The following TPM2 variants were observed in gnomAD, a reference collection of about 807,000 sequenced individuals.
The protein encoded by TPM2 is tropomyosin beta chain.
A neutral mutation model predicts 41.0 loss-of-function variants in TPM2; 26 were observed. The ratio of observed to expected loss-of-function variants is 0.63; its 90% confidence interval spans 0.46 to 0.88. TPM2 has a LOEUF of 0.88. Among genes scored for constraint, TPM2 ranks in the 40% least tolerant of loss-of-function variants. The pLI is 0.00. For synonymous variants in TPM2, 143 were observed against 139.3 expected (o/e 1.03, Z -0.19); for missense variants, 187 against 355.2 (o/e 0.53, Z 3.81).
intron 2 of TPM2, among the ~76,000 whole-genome samples, chr9:35,688,098 T>C (rs1231224943): frequency 6.6e-6 from 1 of 152,066 alleles, no homozygotes; most frequent in Non-Finnish European, 1.5e-5. Flanking sequence ...TTTCCAATCT[T>C]GCCTCCAGCT....
chr9:35,684,333 A>G lies in TPM2; in HGVS notation c.703-18T>C. 2 of 1,614,120 alleles carry G rather than the reference A, an allele frequency of 1.2e-6. No homozygotes were observed. The highest frequency in any genetic ancestry group is 2.2e-5 in the South Asian group (2 of 91,086). On this transcript the variant is annotated intron_variant, in intron 7 of 8. Transcript: ENST00000645482. ...GTCTCAGCCTGGGGGTAAAGGCAGG[A>G]TGGGAGAAATGGCAAAGAATTAGGC...
At chr9:35,689,035 T>C (rs939637794) in intron 2 of TPM2, 111 bp downstream of exon 2, 8 of 1,291,830 alleles carry the variant, frequency 6.2e-6, no homozygotes, top group African/African-American at 1.5e-5. Context: ...ATTTCTCTCC[T>C]GGCGCTGGGG....
rs1824822305 is a variant in TPM2 at position 35,685,159 on chromosome 9, G to T, written c.563+110C>A. On this transcript the variant is annotated intron_variant, in intron 5 of 8. Coordinates refer to ENST00000645482, the MANE Select transcript of TPM2 (RefSeq NM_003289.4). The surrounding 1 kb of genome is among the most constrained non-coding windows in gnomAD (Gnocchi z 5.0). ...GCTCGGCTGGGGGCAGCGGGCAGGG[G>T]TCAGAGAACAGGGCCTGTCCCTACA... is the stretch of plus-strand genomic sequence containing the variant. The T allele has an allele frequency of 1.9e-6, 3 of 1,614,100 alleles. No individual in the cohort carries two copies.
intron 2 of TPM2, 132 bp downstream of exon 2, chr9:35,689,014 G>A (rs1587965513): frequency 1.8e-6 from 2 of 1,099,746 alleles, no homozygotes; most frequent in East Asian, 2.4e-5. Flanking sequence ...CCTGGTTACT[G>A]AGATGAAACC....
rs1825161201 is a variant in TPM2, at chr9:35,689,900, G to A, written c.-83C>T. The A allele has an allele frequency of 6.2e-6, 10 of 1,606,380 alleles. No individual in the cohort carries two copies. The highest frequency in any genetic ancestry group is 5.0e-5 in the Admixed American group (3 of 59,866). On this transcript the variant is annotated 5_prime_UTR_variant, in exon 1 of 9. Coordinates refer to ENST00000645482, the MANE Select transcript of TPM2 (RefSeq NM_003289.4). ...GGTGAGCGGACTGGGTGCACCGGTG[G>A]CAGGCGAGGAGGACGGAGCGGGACT... is the stretch of plus-strand genomic sequence containing the variant.
chr9:35,689,554 C>A (rs893018536), intron 1 of TPM2, 150 bp downstream of exon 1: 1 of 1,426,130 alleles, frequency 7.0e-7, no homozygotes, highest in Non-Finnish European at 9.4e-7. Flanking sequence ...GCGGCTCTGG[C>A]GAAGGCCCTG....
chr9:35,689,479 G>A, intron 1 of TPM2: 2 of 870,346 alleles, frequency 2.3e-6, no homozygotes, highest in African/African-American at 1.8e-5. Context: ...GACCAACCGC[G>A]CTCTGCAAAG....
chr9:35,689,608 C>G, intron 1 of TPM2, 96 bp downstream of exon 1: 1 of 1,592,304 alleles, frequency 6.3e-7, no homozygotes, highest in Admixed American at 1.7e-5. Context: ...TGAGAGAGAG[C>G]CTTGGCGGGC....
At chr9:35,684,580 C>G in intron 6 of TPM2, 30 bp from the exon 7 acceptor site, 1 of 1,613,928 alleles carries the variant, frequency 6.2e-7, no homozygotes, top group Non-Finnish European at 8.5e-7. Flanking sequence ...GCCATCAGTA[C>G]AGCGCTACCA....
At chr9:35,684,828 G>GA (rs1457501801) in intron 5 of TPM2, 21 bp from the exon 6 acceptor site, 13 of 1,613,548 alleles carry the variant, frequency 8.1e-6, no homozygotes, top group East Asian at 2.2e-5. Flanking sequence ...TGTGTGGCGG[G>GA]GGGGGCAGGG....
chr9:35,683,249 GGGTCCAGGGA>G lies in TPM2; in HGVS notation c.773-18_773-9del. On this transcript the variant is annotated splice_polypyrimidine_tract_variant and intron_variant, in intron 8 of 8. Coordinates refer to ENST00000645482, the MANE Select transcript of TPM2 (RefSeq NM_003289.4). Reference sequence around the variant, plus strand: ...TCTGGGCATAGACTTCATCTGGGGGGGGTCCAGGGAGGGGACCAGGTGGGAGTGTGGGAAA... The same window carrying G: ...TCTGGGCATAGACTTCATCTGGGGGGGGGGACCAGGTGGGAGTGTGGGAAA... 1 of 1,552,616 alleles carries G rather than the reference GGGTCCAGGGA, an allele frequency of 6.4e-7. No homozygotes were observed. The highest frequency in any genetic ancestry group is 8.7e-7 in the Non-Finnish European group (1 of 1,146,636).
downstream of TPM2, chr9:35,682,815 G>GGGT: frequency 7.3e-7 from 1 of 1,379,184 alleles, no homozygotes; most frequent in Non-Finnish European, 9.6e-7. Flanking sequence ...GGTGTTTTGT[G>GGGT]GGTGGGCTCA....
At chr9:35,684,709 A>G (rs943655821) in intron 6 of TPM2, 23 bp downstream of exon 6, 1 of 1,612,874 alleles carries the variant, frequency 6.2e-7, no homozygotes, top group African/African-American at 1.3e-5. Context: ...CCCCATCCTC[A>G]CTGCCCCTCT....
In TPM2 at chr9:35,689,875, G is replaced by GC. The variant is rs1260495674; in HGVS notation, c.-59_-58insG. On this transcript the variant is annotated 5_prime_UTR_variant, in exon 1 of 9. Coordinates refer to ENST00000645482, the MANE Select transcript of TPM2 (RefSeq NM_003289.4). ...GGTGAGGACCGGACGGACTGGGCTG[G>GC]GTGAGCGGACTGGGTGCACCGGTGG... 30 of 1,611,090 alleles carry GC rather than the reference G, an allele frequency of 1.9e-5. No individual in the cohort carries two copies. In the East Asian group the frequency reaches 6.0e-4, roughly 32 times the overall value.
rs527991205 is a variant in TPM2, at chr9:35,689,286, A to T, written c.115-15T>A. ...TCCTCCTCCAGCTGGGACAGAGGGG[A>T]CTTGGTCAGCCAGGCTGGGAGGGGG... On this transcript the variant is annotated splice_polypyrimidine_tract_variant and intron_variant, in intron 1 of 8. Transcript: ENST00000645482. 1.5e-5 allele frequency: 25 copies of T among 1,613,914 alleles called. No homozygotes were observed. The South Asian group carries it at 2.4e-4, about 16-fold the overall frequency.
chr9:35,682,595 A>C (rs1027289962), downstream of TPM2: 95 of 1,256,376 alleles, frequency 7.6e-5, no homozygotes, highest in Admixed American at 4.0e-4. Flanking sequence ...GACCTTTTGC[A>C]ACCTTCTTGC....
chr9:35,687,055 A>G (rs1824960988), intron 2 of TPM2, among the ~76,000 whole-genome samples: 1 of 152,186 alleles, frequency 6.6e-6, no homozygotes, highest in Admixed American at 6.5e-5. Flanking sequence ...AGCCTCTCTA[A>G]GCTTCAGTTT....
At chr9:35,684,192 G>A in intron 8 of TPM2, 54 bp downstream of exon 8, 1 of 1,572,226 alleles carries the variant, frequency 6.4e-7, no homozygotes, top group Non-Finnish European at 8.8e-7. Context: ...AGAAGGTACA[G>A]GACAGACTGA....
chr9:35,685,013 G>C lies in TPM2; in HGVS notation c.564-206C>G. ...CCTGCGGTGCTGAGACGGAGGGAAG[G>C]TGAGCTGAGAGAAGGCGCCATTGCC... On this transcript the variant is annotated intron_variant, in intron 5 of 8. Coordinates refer to ENST00000645482, the MANE Select transcript of TPM2 (RefSeq NM_003289.4). This position sits in a 1 kb window ranked among gnomAD's most constrained non-coding sequence, Gnocchi z 5.0. The C allele has an allele frequency of 6.2e-7, 1 of 1,614,168 alleles. No homozygotes were observed. Among genetic ancestry groups the C allele is most frequent in the Non-Finnish European group, 8.5e-7 (1 of 1,180,028 alleles).
Sources: gnomAD v4.1 joint callset for allele counts (sites outside exome capture counted in the v4.1 genomes callset) on GRCh38, gnomAD v4.1.1 for gene constraint, Gnocchi (gnomAD v3.1) non-coding constraint, MANE v1.5 for transcripts, NCBI Gene and HGNC (gene_info 2026-07-23, HGNC 2026-07-21) for gene names.